PDE4D: variants seen among roughly 807,000 people sequenced by gnomAD.
The protein encoded by PDE4D is 3',5'-cyclic-AMP phosphodiesterase 4D.
A neutral mutation model predicts 87.4 loss-of-function variants in PDE4D; 24 were observed. The ratio of observed to expected loss-of-function variants is 0.27; its 90% CI spans 0.20 to 0.39. The LOEUF is 0.39. Among genes scored for constraint, PDE4D ranks in the 10% least tolerant of loss-of-function variants. PDE4D has a pLI of 1.00. For synonymous variants in PDE4D, 384 were observed against 383.2 expected (o/e 1.00, Z -0.02); for missense variants, 714 against 1,041.0 (o/e 0.69, Z 4.32).
intron 1 of PDE4D, among the ~76,000 whole-genome samples, chr5:59,796,284 A>G (rs1325766051): frequency 6.6e-6 from 1 of 152,260 alleles, no homozygotes; most frequent in Non-Finnish European, 1.5e-5. Context: ...TAGAAATCCA[A>G]TTATACAAAT....
chr5:59,117,480 G>A (rs903946628), intron 5 of PDE4D, among the ~76,000 whole-genome samples: 1 of 152,076 alleles, frequency 6.6e-6, no homozygotes, highest in Non-Finnish European at 1.5e-5. Context: ...TGTGCATCAC[G>A]GTGGGAGTGT....
chr5:59,810,517 G>T (rs1477449301), intron 1 of PDE4D, among the ~76,000 whole-genome samples: 1 of 152,180 alleles, frequency 6.6e-6, no homozygotes, highest in Non-Finnish European at 1.5e-5. Flanking sequence ...AGTAGAAATA[G>T]AAAACCTCTG....
chr5:60,199,930 T>G (rs1327846583), intron 1 of PDE4D, among the ~76,000 whole-genome samples: 5 of 151,664 alleles, frequency 3.3e-5, no homozygotes, highest in Non-Finnish European at 7.4e-5. Flanking sequence ...ATTCCTATTC[T>G]TTGCTTATGG....
chr5:59,202,621 T>A (rs1188219887), intron 2 of PDE4D, among the ~76,000 whole-genome samples: 4 of 152,040 alleles, frequency 2.6e-5, no homozygotes, highest in Non-Finnish European at 5.9e-5. Context: ...AGGAGCCTGG[T>A]GGGAGATGAC....
intron 1 of PDE4D, among the ~76,000 whole-genome samples, chr5:60,234,198 A>C (rs1746147298): frequency 6.6e-6 from 1 of 151,838 alleles, no homozygotes; most frequent in Non-Finnish European, 1.5e-5. Flanking sequence ...TCATACAAGA[A>C]GTAGTCTTTT....
intron 1 of PDE4D, among the ~76,000 whole-genome samples, chr5:59,367,109 G>A (rs1243624221): frequency 6.6e-6 from 1 of 152,128 alleles, no homozygotes; most frequent in Non-Finnish European, 1.5e-5. Flanking sequence ...GACTCCTCAA[G>A]TACATTCAAA....
intron 1 of PDE4D, among the ~76,000 whole-genome samples, chr5:59,493,350 G>A (rs13180690): frequency 0.14 from 20,847 of 152,128 alleles, 1,696 homozygotes; most frequent in Non-Finnish European, 0.17. Context: ...ATGTATATAC[G>A]TAAATGCCTT....
At chr5:59,958,532 C>A (rs1759116347) in intron 3 of PDE4D, among the ~76,000 whole-genome samples, 1 of 152,110 alleles carries the variant, frequency 6.6e-6, no homozygotes, top group African/African-American at 2.4e-5. Flanking sequence ...CCATAAAAGA[C>A]AGAGTTTTCA....
chr5:59,601,686 CCTT>C (rs1827526606), intron 1 of PDE4D, among the ~76,000 whole-genome samples: 1 of 152,048 alleles, frequency 6.6e-6, no homozygotes, highest in Admixed American at 6.6e-5. Flanking sequence ...ATTACTTTAA[CCTT>C]CTTATCATTA....
chr5:59,310,305 G>A (rs1282647113), intron 1 of PDE4D, among the ~76,000 whole-genome samples: 2 of 152,100 alleles, frequency 1.3e-5, no homozygotes, highest in Non-Finnish European at 2.9e-5. Flanking sequence ...TGTCTTGGGG[G>A]CAAGTCAACC....
chr5:59,289,460 C>G (rs769687690), intron 1 of PDE4D, among the ~76,000 whole-genome samples: 1 of 151,876 alleles, frequency 6.6e-6, no homozygotes, highest in Non-Finnish European at 1.5e-5. Context: ...TCAACAGATG[C>G]TGAATAAGCA....
At chr5:60,158,664 G>A (rs1480896858) in intron 2 of PDE4D, among the ~76,000 whole-genome samples, 2 of 152,148 alleles carry the variant, frequency 1.3e-5, no homozygotes, top group Non-Finnish European at 2.9e-5. Context: ...CTGGGTTCAC[G>A]CCATTCTCCT....
intron 1 of PDE4D, among the ~76,000 whole-genome samples, chr5:60,227,848 C>G (rs1583145377): frequency 6.6e-6 from 1 of 152,058 alleles, no homozygotes. Flanking sequence ...CTTACAAATT[C>G]TTATCATAGC....
At chr5:60,174,891 G>T (rs984756472) in intron 2 of PDE4D, among the ~76,000 whole-genome samples, 1 of 151,962 alleles carries the variant, frequency 6.6e-6, no homozygotes, top group African/African-American at 2.4e-5. Flanking sequence ...GACTCTGCAC[G>T]TGTGTGTTTA....
chr5:60,415,687 A>G (rs1340676306), intron 1 of PDE4D, among the ~76,000 whole-genome samples: 1 of 152,182 alleles, frequency 6.6e-6, no homozygotes, highest in African/African-American at 2.4e-5. Flanking sequence ...GCCACGCCTG[A>G]GTCTCCCCAC....
At chr5:60,439,575 T>C (rs1180343685) in intron 1 of PDE4D, among the ~76,000 whole-genome samples, 3 of 152,144 alleles carry the variant, frequency 2.0e-5, no homozygotes, top group Admixed American at 2.0e-4. Context: ...CATCCATAAG[T>C]TAAATAAGAA....
At chr5:59,605,230 A>G (rs1828029158) in intron 1 of PDE4D, among the ~76,000 whole-genome samples, 1 of 152,158 alleles carries the variant, frequency 6.6e-6, no homozygotes, top group Admixed American at 6.6e-5. Context: ...TCCAAAGGTG[A>G]AAATAAGTAT....
At chr5:59,678,145 A>T (rs541581076) in intron 1 of PDE4D, among the ~76,000 whole-genome samples, 1 of 152,208 alleles carries the variant, frequency 6.6e-6, no homozygotes, top group Non-Finnish European at 1.5e-5. Flanking sequence ...AGAGTAAAAA[A>T]AAATGTCTTG....
At chr5:59,649,808 A>T (rs1027735747) in intron 1 of PDE4D, among the ~76,000 whole-genome samples, 7 of 151,430 alleles carry the variant, frequency 4.6e-5, no homozygotes, top group Non-Finnish European at 1.0e-4. Context: ...GAAGAAAAAG[A>T]CACAGTTCCA....
Sources: allele counts gnomAD v4.1 joint callset (sites outside exome capture counted in the v4.1 genomes callset), GRCh38; gene constraint gnomAD v4.1.1; transcripts MANE v1.5; gene names NCBI Gene and HGNC (gene_info 2026-07-23, HGNC 2026-07-21).